The following GAS7 variants were observed in gnomAD, a reference collection of about 807,000 sequenced individuals.
GAS7 encodes growth arrest specific 7, also known as growth arrest-specific protein 7.
Under a neutral mutation model 71.1 loss-of-function variants are expected in GAS7, and 28 were observed. The ratio of observed to expected loss-of-function variants is 0.39; its 90% CI spans 0.29 to 0.54. The LOEUF (loss-of-function observed/expected upper bound fraction) is 0.54. GAS7 is among the 20% of genes least tolerant of loss of function. The probability of loss-of-function intolerance (pLI) is 0.62; values close to 1 mark genes in which losing one functional copy is unlikely to be tolerated. For synonymous variants in GAS7, 258 were observed against 245.8 expected (o/e 1.05, Z -0.46); for missense variants, 436 against 627.8 (o/e 0.69, Z 3.27).
intron 1 of GAS7, among the ~76,000 whole-genome samples, chr17:10,119,675 A>T (rs1166540372): frequency 6.6e-6 from 1 of 152,216 alleles, no homozygotes; most frequent in African/African-American, 2.4e-5. Flanking sequence ...GAAGCTGCCC[A>T]CTGTCCTTAG....
intron 5 of GAS7, among the ~76,000 whole-genome samples, chr17:9,952,820 G>A (rs1317983207): frequency 6.6e-6 from 1 of 152,110 alleles, no homozygotes; most frequent in Admixed American, 6.6e-5. Flanking sequence ...AATCAGAATG[G>A]CTATAATTAA....
chr17:10,117,401 C>T (rs1327622061), intron 1 of GAS7, among the ~76,000 whole-genome samples: 4 of 152,142 alleles, frequency 2.6e-5, no homozygotes, highest in Non-Finnish European at 5.9e-5. Context: ...TCACAGGCTC[C>T]AGAGATTAGA....
chr17:10,049,562 AT>A (rs1318513008), intron 1 of GAS7, among the ~76,000 whole-genome samples: 1 of 138,376 alleles, frequency 7.2e-6, no homozygotes, highest in Non-Finnish European at 1.6e-5. Context: ...ATTTAAAAAT[AT>A]TTTAAAATAA....
At chr17:10,146,151 C>T (rs1166300971) in intron 1 of GAS7, among the ~76,000 whole-genome samples, 1 of 152,174 alleles carries the variant, frequency 6.6e-6, no homozygotes, top group Non-Finnish European at 1.5e-5. Flanking sequence ...AGCACCAAGG[C>T]ACCCTGAACT....
chr17:10,111,784 C>T lies in GAS7; in HGVS notation c.183+86424G>A, dbSNP rs139272413. ...TAACCCCAATTGTGTTTCCAATAGGCGAAATTCGGGAGTTCCAAAATTGGA... is the reference window on the plus strand; with the variant it reads ...TAACCCCAATTGTGTTTCCAATAGGTGAAATTCGGGAGTTCCAAAATTGGA... On this transcript the variant is annotated intron_variant, in intron 1 of 13. Coordinates refer to ENST00000432992, the MANE Select transcript of GAS7 (RefSeq NM_201433.2). Among the ~76,000 whole-genome samples the T allele has an allele frequency of 2.2e-4, 34 of 152,218 alleles. 1 individual carries two copies. The East Asian group carries it at 6.2e-3, about 28-fold the overall frequency.
intron 3 of GAS7, among the ~76,000 whole-genome samples, chr17:9,975,302 C>T (rs1009417171): frequency 6.6e-6 from 1 of 152,068 alleles, no homozygotes; most frequent in Non-Finnish European, 1.5e-5. Flanking sequence ...CTGCAGTGAG[C>T]CAAGATCCTG....
chr17:10,103,079 T>C lies in GAS7; in HGVS notation c.184-83182A>G, dbSNP rs1156765088. 6.6e-6 allele frequency among the ~76,000 whole-genome samples: 1 copy of C among 152,108 alleles called. No homozygotes were observed. The highest frequency in any genetic ancestry group is 1.5e-5 in the Non-Finnish European group (1 of 68,028). Reference sequence around the variant, plus strand: ...CATTTTAACAAACCCTGACCGGACGTAGTGGCTCACACCTGTAATCCCAGC... The same window carrying C: ...CATTTTAACAAACCCTGACCGGACGCAGTGGCTCACACCTGTAATCCCAGC... On this transcript the variant is annotated intron_variant, in intron 1 of 13. Coordinates refer to ENST00000432992, the MANE Select transcript of GAS7 (RefSeq NM_201433.2). This position sits in a 1 kb window ranked among gnomAD's most constrained non-coding sequence, Gnocchi z 5.5.
intron 2 of GAS7, among the ~76,000 whole-genome samples, chr17:9,997,260 G>GGT (rs985967987): frequency 2.7e-5 from 4 of 148,376 alleles, no homozygotes; most frequent in African/African-American, 7.6e-5. Context: ...GGGCGGGGGC[G>GGT]GTGGAAACAG....
intron 2 of GAS7, among the ~76,000 whole-genome samples, chr17:10,002,954 T>A (rs1312931470): frequency 6.6e-6 from 1 of 152,206 alleles, no homozygotes; most frequent in African/African-American, 2.4e-5. Flanking sequence ...TCAAATGGTA[T>A]TTCTAGTTCT....
chr17:9,964,645 A>C (rs2152117054), intron 4 of GAS7, among the ~76,000 whole-genome samples: 1 of 152,276 alleles, frequency 6.6e-6, no homozygotes, highest in East Asian at 1.9e-4. Context: ...TCTTTTCTTA[A>C]GGTACCTTAA....
At chr17:9,918,459 G>A (rs559482336) in intron 12 of GAS7, among the ~76,000 whole-genome samples, 5 of 152,344 alleles carry the variant, frequency 3.3e-5, no homozygotes, top group African/African-American at 7.2e-5. Context: ...CACCCAAAGC[G>A]ACACGGAATT....
intron 1 of GAS7, among the ~76,000 whole-genome samples, chr17:10,080,015 AGTCTGAGACCTACTGG>A (rs2077240297): frequency 6.6e-6 from 1 of 152,188 alleles, no homozygotes; most frequent in Admixed American, 6.5e-5. Context: ...GTAAAAGATA[AGTCTGAGACCTACTGG>A]GCTGCACTCC....
At chr17:10,019,738 A>T (rs1423723400) in intron 2 of GAS7, 39 bp downstream of exon 2, 1 of 1,586,684 alleles carries the variant, frequency 6.3e-7, no homozygotes, top group South Asian at 1.1e-5. Context: ...CCAGAATGCC[A>T]GGGGGTTGGT....
Position 9,987,285 on chromosome 17 carries a change from C to T in GAS7, c.305-5401G>A, listed in dbSNP as rs184793249. ...TGAGATGTGCCCCGGGGAGCCTCTT[C>T]CCACCCCACCTAATTCACACAAAAC... On this transcript the variant is annotated intron_variant, in intron 2 of 13. Coordinates refer to ENST00000432992, the MANE Select transcript of GAS7 (RefSeq NM_201433.2). Among the ~76,000 whole-genome samples the T allele has an allele frequency of 9.2e-5, 14 of 152,300 alleles. No homozygotes were observed. In the East Asian group the frequency reaches 2.1e-3, roughly 23 times the overall value.
intron 1 of GAS7, among the ~76,000 whole-genome samples, chr17:10,149,613 C>T (rs973738780): frequency 2.6e-5 from 4 of 152,130 alleles, no homozygotes; most frequent in African/African-American, 9.7e-5. Flanking sequence ...CCCAAGAGAA[C>T]TGAAAACATG....
At chr17:10,087,691 T>G (rs945687212) in intron 1 of GAS7, among the ~76,000 whole-genome samples, 21 of 152,184 alleles carry the variant, frequency 1.4e-4, no homozygotes, top group African/African-American at 5.1e-4. Context: ...AATGGGGTCC[T>G]GGGGGAGATT....
At chr17:10,065,549 C>A (rs1452230402) in intron 1 of GAS7, among the ~76,000 whole-genome samples, 1 of 152,218 alleles carries the variant, frequency 6.6e-6, no homozygotes, top group African/African-American at 2.4e-5. Flanking sequence ...TACCCTTTGT[C>A]TTCTATCTAC....
At chr17:10,069,194 C>T (rs555783996) in intron 1 of GAS7, among the ~76,000 whole-genome samples, 5 of 152,292 alleles carry the variant, frequency 3.3e-5, no homozygotes, top group East Asian at 1.9e-4. Context: ...TGCCAGCAGG[C>T]CTTTCTAAGG....
At chr17:9,924,185 G>A (rs2067915330) in intron 11 of GAS7, among the ~76,000 whole-genome samples, 1 of 152,096 alleles carries the variant, frequency 6.6e-6, no homozygotes, top group Non-Finnish European at 1.5e-5. Context: ...CAATATAATT[G>A]TTTTTTGAGG....
Sources: allele counts gnomAD v4.1 joint callset (sites outside exome capture counted in the v4.1 genomes callset), GRCh38; gene constraint gnomAD v4.1.1; non-coding constraint Gnocchi (gnomAD v3.1); transcripts MANE v1.5; gene names NCBI Gene and HGNC (gene_info 2026-07-23, HGNC 2026-07-21).